The following ADAM2 variants were observed in gnomAD, a reference collection of about 807,000 sequenced individuals.
The protein encoded by ADAM2 is ADAM metallopeptidase domain 2, also known as disintegrin and metalloproteinase domain-containing protein 2.
A neutral mutation model predicts 99.3 loss-of-function variants in ADAM2; 101 were observed. The ratio of observed to expected loss-of-function variants is 1.02; its 90% CI spans 0.87 to 1.20. The LOEUF (loss-of-function observed/expected upper bound fraction) is 1.20, where lower values mean the gene tolerates loss of function less well. Ranked by LOEUF, ADAM2 falls within the 50% of genes most tolerant of loss-of-function variation. ADAM2 has a pLI of 0.00. For synonymous variants in ADAM2, 323 were observed against 287.6 expected (o/e 1.12, Z -1.25); for missense variants, 948 against 878.7 (o/e 1.08, Z -1.00).
At chr8:39,813,570 C>T (rs914067065) in intron 6 of ADAM2, among the ~76,000 whole-genome samples, 7 of 152,156 alleles carry the variant, frequency 4.6e-5, no homozygotes, top group Non-Finnish European at 8.8e-5. Context: ...CACATACACA[C>T]CATGGAATAC....
chr8:39,837,291 T>G (rs1299271775), intron 1 of ADAM2, 79 bp from the exon 2 acceptor site: 1 of 953,182 alleles, frequency 1.0e-6, no homozygotes, highest in East Asian at 2.5e-5. Context: ...CATCTAAATC[T>G]CTAATCTCTA....
Position 39,824,872 on chromosome 8 carries a change from C to G in ADAM2, c.214G>C (p.Val72Leu), listed in dbSNP as rs1337130855. The G allele has an allele frequency of 6.4e-7, 1 of 1,551,668 alleles. No homozygotes were observed. The highest frequency in any genetic ancestry group is 8.8e-7 in the Non-Finnish European group (1 of 1,131,150). ...QKNFLPHNFR[V>L]YSYSGTGIMK... ...ATTCCTGTGCCACTATAACTGTAAA[C>G]TCTAAAATTATGGGGTAAAAAGTTT... The change falls in exon 4 of 21, where the codon GTT becomes CTT. Residue 72 changes from valine (V) to leucine (L), a missense_variant. By Grantham distance (32) the Val-to-Leu change is conservative. Transcript: ENST00000265708.
At chr8:39,821,510 A>C (rs1805186918) in intron 5 of ADAM2, 76 bp downstream of exon 5, 1 of 1,163,134 alleles carries the variant, frequency 8.6e-7, no homozygotes, top group Non-Finnish European at 1.2e-6. Flanking sequence ...GAACCACTGA[A>C]TATTATGTTA....
chr8:39,813,978 G>GA (rs1026439054), intron 6 of ADAM2, among the ~76,000 whole-genome samples: 38 of 147,204 alleles, frequency 2.6e-4, no homozygotes, highest in Admixed American at 2.7e-4. Flanking sequence ...AAGGTGGGCA[G>GA]AAAAAAAAAA....
At chr8:39,780,528 G>A (rs1380713789) in intron 10 of ADAM2, among the ~76,000 whole-genome samples, 2 of 152,072 alleles carry the variant, frequency 1.3e-5, no homozygotes, top group African/African-American at 4.8e-5. Context: ...ATTAACCTCT[G>A]CCACCCAATA....
chr8:39,812,852 G>C (rs991576429), intron 6 of ADAM2, among the ~76,000 whole-genome samples: 2 of 152,124 alleles, frequency 1.3e-5, no homozygotes, highest in Non-Finnish European at 2.9e-5. Context: ...TCAGGACATA[G>C]GCATGGGCAA....
At chr8:39,751,839 C>T (rs1203374970) in intron 16 of ADAM2, among the ~76,000 whole-genome samples, 1 of 146,162 alleles carries the variant, frequency 6.8e-6, no homozygotes, top group Non-Finnish European at 1.5e-5. Context: ...TGTACATACT[C>T]TTTTTTTTTT....
At chr8:39,754,186 T>C (rs769422092) in intron 16 of ADAM2, among the ~76,000 whole-genome samples, 20 of 152,220 alleles carry the variant, frequency 1.3e-4, no homozygotes, top group Non-Finnish European at 2.6e-4. Flanking sequence ...TGTGGCAGGG[T>C]ACTGCCTGTC....
intron 7 of ADAM2, among the ~76,000 whole-genome samples, chr8:39,791,068 A>T (rs1476674347): frequency 1.3e-5 from 2 of 151,990 alleles, no homozygotes; most frequent in African/African-American, 4.8e-5. Context: ...TTAAAAAAAA[A>T]AAAGGATGTA....
rs117316256 is a variant in ADAM2 at position 39,790,400 on chromosome 8, G to A, written c.571-1660C>T. ...CATGTATAAACCTGAAAATCACTAC[G>A]GTAAATGAAAAAATAGTCATAAATC... On this transcript the variant is annotated intron_variant, in intron 7 of 20. Coordinates refer to ENST00000265708, the MANE Select transcript of ADAM2 (RefSeq NM_001464.5). Among the ~76,000 whole-genome samples, 99 of 151,774 alleles carry A rather than the reference G, an allele frequency of 6.5e-4. 3 individuals carry two copies. In the East Asian group the frequency reaches 0.015, roughly 24 times the overall value.
rs772997466 is a variant in ADAM2, at chr8:39,809,424, C to T, written c.556G>A (p.Val186Ile). The T allele has an allele frequency of 7.4e-7, 1 of 1,357,892 alleles. No homozygotes were observed. 84.1% of individuals were successfully genotyped at this position (1,357,892 alleles called of 1,614,324 possible). The stretch of plus-strand genomic sequence containing the variant: ...AATATACTTACCAATTGTTTTTCAA[C>T]TATAACATGCATTTCTATATACTTT... Reference protein sequence around the residue: ...FAKYIEMHVIVEKQLYNHMGS... With the variant: ...FAKYIEMHVIIEKQLYNHMGS... Residue 186 changes from valine to isoleucine, a missense_variant, in exon 7 of 21, where the codon GTT becomes ATT. Coordinates refer to ENST00000265708, the MANE Select transcript of ADAM2 (RefSeq NM_001464.5).
intron 9 of ADAM2, among the ~76,000 whole-genome samples, 162 bp from the exon 10 acceptor site, chr8:39,787,217 A>G (rs1189012151): frequency 6.6e-6 from 1 of 151,920 alleles, no homozygotes; most frequent in African/African-American, 2.4e-5. Context: ...TTTAAAAACA[A>G]TAAAATAAAT....
intron 10 of ADAM2, among the ~76,000 whole-genome samples, chr8:39,777,364 G>A (rs1339552379): frequency 2.0e-5 from 3 of 151,980 alleles, no homozygotes; most frequent in African/African-American, 7.3e-5. Context: ...GTAAATGGAT[G>A]ACTCATTTGG....
At chr8:39,748,140 T>C (rs1415937084) in intron 18 of ADAM2, among the ~76,000 whole-genome samples, 2 of 152,176 alleles carry the variant, frequency 1.3e-5, no homozygotes, top group African/African-American at 4.8e-5. Flanking sequence ...CAAATATTGC[T>C]GATAATTTTC....
intron 3 of ADAM2, among the ~76,000 whole-genome samples, chr8:39,831,737 C>T (rs1011949652): frequency 6.6e-5 from 10 of 151,740 alleles, no homozygotes; most frequent in South Asian, 2.1e-4. Context: ...TGGAAATCAT[C>T]GAGAATAAAG....
At chr8:39,801,466 C>G (rs540496355) in intron 7 of ADAM2, among the ~76,000 whole-genome samples, 70 of 152,300 alleles carry the variant, frequency 4.6e-4, no homozygotes, top group African/African-American at 1.5e-3. Context: ...GGGGGTCTGA[C>G]AACCCCTCTT....
At chr8:39,831,307 G>A (rs547617424) in intron 3 of ADAM2, among the ~76,000 whole-genome samples, 3 of 152,136 alleles carry the variant, frequency 2.0e-5, no homozygotes, top group Admixed American at 6.5e-5. Flanking sequence ...TATTATTATG[G>A]AACCCTGAGC....
intron 11 of ADAM2, 27 bp downstream of exon 11, chr8:39,776,998 G>A (rs1376524868): frequency 3.7e-6 from 5 of 1,355,068 alleles, no homozygotes; most frequent in East Asian, 2.3e-5. Flanking sequence ...AACTATATAT[G>A]TAAAGTATAA....
chr8:39,823,735 GTGTGTATAACACTATGTAACA>G (rs1410020133), intron 4 of ADAM2, among the ~76,000 whole-genome samples: 9 of 151,760 alleles, frequency 5.9e-5, no homozygotes, highest in African/African-American at 1.9e-4. Flanking sequence ...ATATGTATGT[GTGTGTATAACACTATGTAACA>G]GTATATTAGT....
Sources: gnomAD v4.1 joint callset for allele counts (sites outside exome capture counted in the v4.1 genomes callset) on GRCh38, gnomAD v4.1.1 for gene constraint, MANE v1.5 for transcripts, NCBI Gene and HGNC (gene_info 2026-07-23, HGNC 2026-07-21) for gene names.